CARMIL1: variants seen among roughly 807,000 people sequenced by gnomAD.
CARMIL1 encodes F-actin-uncapping protein LRRC16A.
In CARMIL1, 90 loss-of-function variants were observed where a neutral mutation model predicts 177.1. The ratio of observed to expected loss-of-function variants is 0.51; its 90% confidence interval spans 0.43 to 0.61. The LOEUF (loss-of-function observed/expected upper bound fraction) is 0.61, where lower values mean the gene tolerates loss of function less well. Among genes scored for constraint, CARMIL1 ranks in the 20% least tolerant of loss-of-function variants. The pLI is 0.00. For missense variants in CARMIL1, 1,380 were observed against 1,667.0 expected (o/e 0.83, Z 3.00); for synonymous variants, 577 against 606.2 (o/e 0.95, Z 0.71).
At chr6:25,506,325 T>A (rs555501067) in intron 17 of CARMIL1, among the ~76,000 whole-genome samples, 103 of 152,346 alleles carry the variant, frequency 6.8e-4, no homozygotes, top group African/African-American at 2.0e-3. Flanking sequence ...GGCAGGCAGA[T>A]CGCTTGAGGT....
intron 23 of CARMIL1, among the ~76,000 whole-genome samples, chr6:25,527,962 T>G (rs2151096344): frequency 6.6e-6 from 1 of 152,318 alleles, no homozygotes; most frequent in East Asian, 1.9e-4. Context: ...AACCAACAAA[T>G]TTTTAAAAAT....
chr6:25,595,520 T>A (rs1024177635), intron 32 of CARMIL1, among the ~76,000 whole-genome samples: 1 of 152,164 alleles, frequency 6.6e-6, no homozygotes, highest in Admixed American at 6.5e-5. Context: ...CATACTATAC[T>A]TGGCAAAATT....
chr6:25,385,419 C>T (rs1792054229), intron 2 of CARMIL1, among the ~76,000 whole-genome samples: 1 of 152,114 alleles, frequency 6.6e-6, no homozygotes, highest in Non-Finnish European at 1.5e-5. Context: ...ATGTGGTTTT[C>T]AGGGAGTGAG....
chr6:25,579,030 A>G (rs1812869220), intron 29 of CARMIL1, among the ~76,000 whole-genome samples: 1 of 151,910 alleles, frequency 6.6e-6, no homozygotes, highest in Non-Finnish European at 1.5e-5. Flanking sequence ...ACCTATTCAC[A>G]GATGGACATG....
chr6:25,576,783 T>C (rs1011284023), intron 29 of CARMIL1, among the ~76,000 whole-genome samples: 12 of 152,190 alleles, frequency 7.9e-5, no homozygotes, highest in Non-Finnish European at 1.5e-4. Flanking sequence ...AAAAGCTAGA[T>C]TGGATGTCTT....
intron 2 of CARMIL1, among the ~76,000 whole-genome samples, chr6:25,408,164 G>A (rs1794560932): frequency 6.6e-6 from 1 of 151,944 alleles, no homozygotes; most frequent in African/African-American, 2.4e-5. Flanking sequence ...GGTGGCTTGT[G>A]CCTGTAGTAG....
chr6:25,564,994 G>T (rs755660189), intron 29 of CARMIL1, among the ~76,000 whole-genome samples: 1 of 152,152 alleles, frequency 6.6e-6, no homozygotes, highest in Non-Finnish European at 1.5e-5. Context: ...ATCATGCCTG[G>T]CACATACTAG....
At chr6:25,365,998 T>C (rs1789750565) in intron 2 of CARMIL1, among the ~76,000 whole-genome samples, 1 of 152,064 alleles carries the variant, frequency 6.6e-6, no homozygotes, top group Non-Finnish European at 1.5e-5. Flanking sequence ...CATTTACGTA[T>C]GTATGTATTA....
At chr6:25,531,594 G>A (rs1280478284) in intron 24 of CARMIL1, among the ~76,000 whole-genome samples, 1 of 152,122 alleles carries the variant, frequency 6.6e-6, no homozygotes, top group African/African-American at 2.4e-5. Context: ...TGAAGTAGCA[G>A]GACTTTTGAG....
intron 29 of CARMIL1, among the ~76,000 whole-genome samples, chr6:25,568,072 G>C (rs1176221084): frequency 2.0e-5 from 3 of 152,102 alleles, no homozygotes; most frequent in Admixed American, 6.5e-5. Flanking sequence ...TTTTAGCTTT[G>C]GCCTTTGACG....
intron 23 of CARMIL1, among the ~76,000 whole-genome samples, chr6:25,524,587 CA>C (rs1806906648): frequency 6.6e-6 from 1 of 151,984 alleles, no homozygotes; most frequent in African/African-American, 2.4e-5. Context: ...CCAAAAATTA[CA>C]AAGCATGTTA....
Position 25,471,156 on chromosome 6 carries a change from T to A in CARMIL1, c.691-13T>A. ...AGAGTTATGGAATAGTCAAAGAATG[T>A]TTTCTGTTACAGTCCACTGATGTCT... On this transcript the variant is annotated splice_polypyrimidine_tract_variant and intron_variant, in intron 9 of 36. Coordinates refer to ENST00000329474, the MANE Select transcript of CARMIL1 (RefSeq NM_017640.6). 1.9e-6 allele frequency: 3 copies of A among 1,569,704 alleles called. No individual in the cohort carries two copies. Among genetic ancestry groups the A allele is most frequent in the Non-Finnish European group, 2.6e-6 (3 of 1,149,618 alleles).
chr6:25,499,013 G>A (rs1453306182), intron 16 of CARMIL1, among the ~76,000 whole-genome samples: 1 of 152,200 alleles, frequency 6.6e-6, no homozygotes, highest in African/African-American at 2.4e-5. Context: ...GGGAGTGGGA[G>A]GAGGGGGGTT....
chr6:25,551,187 GT>G, intron 27 of CARMIL1, 102 bp downstream of exon 27: 1 of 590,054 alleles, frequency 1.7e-6, no homozygotes, highest in South Asian at 2.5e-5. Flanking sequence ...TATATAATGT[GT>G]TTAGGCATGT....
At chr6:25,340,373 C>T (rs554285370) in intron 2 of CARMIL1, among the ~76,000 whole-genome samples, 7 of 152,290 alleles carry the variant, frequency 4.6e-5, no homozygotes, top group South Asian at 2.1e-4. Flanking sequence ...TTTGTCACAA[C>T]GTTTTGAGTG....
intron 2 of CARMIL1, among the ~76,000 whole-genome samples, chr6:25,392,120 A>C (rs1367556904): frequency 1.3e-5 from 2 of 150,302 alleles, no homozygotes; most frequent in East Asian, 3.9e-4. Flanking sequence ...GTATGGTAAG[A>C]GTTTGCCACC....
At chr6:25,606,849 A>G (rs1308520566) in intron 35 of CARMIL1, among the ~76,000 whole-genome samples, 1 of 152,226 alleles carries the variant, frequency 6.6e-6, no homozygotes, top group African/African-American at 2.4e-5. Flanking sequence ...TATACTTGCA[A>G]CAGGGCCATA....
chr6:25,394,806 GAGA>G, intron 2 of CARMIL1, among the ~76,000 whole-genome samples: 1 of 152,332 alleles, frequency 6.6e-6, no homozygotes, highest in African/African-American at 2.4e-5. Context: ...GGGTTTCTGT[GAGA>G]AGATTAATTA....
chr6:25,584,085 C>T (rs1435235850), intron 31 of CARMIL1, among the ~76,000 whole-genome samples: 8 of 142,498 alleles, frequency 5.6e-5, no homozygotes, highest in African/African-American at 2.1e-4. Flanking sequence ...TGGAGTGCAG[C>T]GGCACAGTCA....
Sources: allele counts gnomAD v4.1 joint callset (sites outside exome capture counted in the v4.1 genomes callset), GRCh38; gene constraint gnomAD v4.1.1; transcripts MANE v1.5; gene names NCBI Gene and HGNC (gene_info 2026-07-23, HGNC 2026-07-21).